Variants in MYCBP2 observed in about 807,000 individuals in gnomAD.
MYCBP2 encodes MYC binding protein 2.
Under a neutral mutation model 525.3 loss-of-function variants are expected in MYCBP2, and 120 were observed. The ratio of observed to expected loss-of-function variants is 0.23; its 90% confidence interval spans 0.20 to 0.27. The LOEUF is 0.27. MYCBP2 is among the 10% of genes least tolerant of loss of function. The pLI, the probability that MYCBP2 is intolerant of heterozygous loss-of-function variation, is 1.00. For missense variants in MYCBP2, 4,149 were observed against 5,657.1 expected (o/e 0.73, Z 8.55); for synonymous variants, 1,894 against 1,955.8 (o/e 0.97, Z 0.83).
At chr13:77,256,317 G>C (rs2072187104) in intron 14 of MYCBP2, among the ~76,000 whole-genome samples, 1 of 151,994 alleles carries the variant, frequency 6.6e-6, no homozygotes, top group African/African-American at 2.4e-5. Flanking sequence ...AAAATGTTTG[G>C]AAAAGACTTT....
chr13:77,210,087 T>G (rs994960174), intron 23 of MYCBP2, among the ~76,000 whole-genome samples: 3 of 152,196 alleles, frequency 2.0e-5, no homozygotes, highest in South Asian at 2.1e-4. Context: ...AGCCCTGTGA[T>G]GAGCCACTGT....
rs543918804 is a variant in MYCBP2 at position 77,100,806 on chromosome 13, G to A, written c.8141-1793C>T. 9.9e-5 allele frequency among the ~76,000 whole-genome samples: 15 copies of A among 152,038 alleles called. No homozygotes were observed. The South Asian group carries it at 2.9e-3, about 29-fold the overall frequency. On this transcript the variant is annotated intron_variant, in intron 55 of 82. Coordinates refer to ENST00000544440, the MANE Select transcript of MYCBP2 (RefSeq NM_015057.5). ...TTATGTGCTCTGTTTTATAAATACAGTATTAACAGATGGGGCTAAGTTTTG... is the reference window on the plus strand; with the variant it reads ...TTATGTGCTCTGTTTTATAAATACAATATTAACAGATGGGGCTAAGTTTTG...
intron 47 of MYCBP2, among the ~76,000 whole-genome samples, chr13:77,148,810 G>A (rs1485507522): frequency 6.6e-6 from 1 of 152,170 alleles, no homozygotes; most frequent in East Asian, 1.9e-4. Context: ...TTGACCCTAA[G>A]ATTCATCACT....
chr13:77,123,158 T>C (rs1255398044), intron 54 of MYCBP2, among the ~76,000 whole-genome samples: 2 of 152,214 alleles, frequency 1.3e-5, no homozygotes, highest in African/African-American at 4.8e-5. Context: ...TATTAAATAT[T>C]ATCACCAATG....
chr13:77,079,000 G>A (rs1443280885), intron 65 of MYCBP2, 111 bp from the exon 66 acceptor site: 6 of 880,126 alleles, frequency 6.8e-6, no homozygotes, highest in East Asian at 5.0e-5. Context: ...GTCTCTTATG[G>A]TCCTTCCTGA....
chr13:77,193,749 A>G (rs966174350), intron 27 of MYCBP2, among the ~76,000 whole-genome samples: 2 of 152,186 alleles, frequency 1.3e-5, no homozygotes, highest in African/African-American at 2.4e-5. Context: ...GTCAGAGTAC[A>G]TGGGTAATCT....
At chr13:77,317,935 TCAAAACATAACATAA>T (rs2154380564) in intron 1 of MYCBP2, among the ~76,000 whole-genome samples, 1 of 138,802 alleles carries the variant, frequency 7.2e-6, no homozygotes, top group South Asian at 2.3e-4. Flanking sequence ...AGACTCCGTC[TCAAAACATAACATAA>T]CATAACATAA....
chr13:77,194,605 C>T (rs1287527620), intron 26 of MYCBP2, among the ~76,000 whole-genome samples: 3 of 151,958 alleles, frequency 2.0e-5, no homozygotes, highest in Admixed American at 6.6e-5. Flanking sequence ...GAGATTCTAC[C>T]TCATTCTAAA....
In MYCBP2 at chr13:77,165,396, T is replaced by C. The variant is rs1187584134; in HGVS notation, c.6341-5A>G. On this transcript the variant is annotated splice_polypyrimidine_tract_variant and splice_region_variant and intron_variant, in intron 41 of 82. Transcript: ENST00000544440. ...ATGAAAAAAGGGCCTCATTTCCTAA[T>C]AAAAATGCCAGAATTGAGTTCAAAC... 4 of 1,574,096 alleles carry C rather than the reference T, an allele frequency of 2.5e-6. No homozygotes were observed. Among genetic ancestry groups the C allele is most frequent in the East Asian group, 2.3e-5 (1 of 44,438 alleles).
At chr13:77,050,866 G>A in intron 82 of MYCBP2, 131 bp downstream of exon 82, 1 of 761,292 alleles carries the variant, frequency 1.3e-6, no homozygotes, top group Non-Finnish European at 2.1e-6. Context: ...CAAGGATCAA[G>A]GAATTCCTCC....
intron 25 of MYCBP2, 37 bp from the exon 26 acceptor site, chr13:77,205,420 T>C (rs1457290982): frequency 6.2e-7 from 1 of 1,611,938 alleles, no homozygotes; most frequent in East Asian, 2.2e-5. Flanking sequence ...TTTTAAAAGA[T>C]CCATATATAT....
At chr13:77,129,714 A>C (rs951257729) in intron 52 of MYCBP2, 1 of 151,996 alleles carries the variant, frequency 6.6e-6, no homozygotes, top group Non-Finnish European at 1.5e-5. Context: ...TACAAAAATA[A>C]AAATAAAAAC....
chr13:77,296,612 TTC>T lies in MYCBP2; in HGVS notation c.363_364del (p.Lys122AspfsTer6). 1 of 1,583,514 alleles carries T rather than the reference TTC, an allele frequency of 6.3e-7. No individual in the cohort carries two copies. The highest frequency in any genetic ancestry group is 8.6e-7 in the Non-Finnish European group (1 of 1,168,500). ...CAGCAGCTTTACCTTGCTTCTTGTC[TTC>T]ACTTTTGATTTGCTCTTCTGTTTTC... On this transcript the variant is annotated frameshift_variant, in exon 2 of 83. Transcript: ENST00000544440. LOFTEE classifies it high-confidence loss of function.
chr13:77,079,090 A>C (rs1195858235), intron 65 of MYCBP2, among the ~76,000 whole-genome samples: 1 of 152,040 alleles, frequency 6.6e-6, no homozygotes, highest in Non-Finnish European at 1.5e-5. Flanking sequence ...CTTAAATTGC[A>C]CATTTCAGCC....
At chr13:77,068,914 TAA>T in intron 69 of MYCBP2, 83 bp from the exon 70 acceptor site, 5 of 1,336,766 alleles carry the variant, frequency 3.7e-6, no homozygotes, top group Non-Finnish European at 5.2e-6. Flanking sequence ...AACAAAAGAA[TAA>T]GACAAGAATG....
intron 65 of MYCBP2, chr13:77,080,710 G>A (rs965317251): frequency 1.3e-5 from 2 of 152,342 alleles, no homozygotes; most frequent in African/African-American, 2.4e-5. Flanking sequence ...GGGAGGCTGA[G>A]GTGGGCAGAT....
chr13:77,062,738 A>G (rs888594949), intron 73 of MYCBP2, 41 bp from the exon 74 acceptor site: 3 of 1,519,506 alleles, frequency 2.0e-6, no homozygotes, highest in Non-Finnish European at 9.1e-7. Flanking sequence ...AATTTTTAGG[A>G]AAGACTTATG....
chr13:77,297,620 TA>T, intron 1 of MYCBP2, among the ~76,000 whole-genome samples: 1 of 152,204 alleles, frequency 6.6e-6, no homozygotes, highest in Admixed American at 6.5e-5. Context: ...ATGTCACTCT[TA>T]AAAATAGAGA....
intron 13 of MYCBP2, 52 bp from the exon 14 acceptor site, chr13:77,257,881 CT>C: frequency 1.3e-6 from 2 of 1,481,948 alleles, no homozygotes; most frequent in Non-Finnish European, 1.8e-6. Flanking sequence ...CCTTCTGAGC[CT>C]AGTAAAAGAA....
Sources: allele counts gnomAD v4.1 joint callset (sites outside exome capture counted in the v4.1 genomes callset), GRCh38; gene constraint gnomAD v4.1.1; transcripts MANE v1.5; gene names NCBI Gene and HGNC (gene_info 2026-07-23, HGNC 2026-07-21).